MTMR7: variants seen among roughly 807,000 people sequenced by gnomAD.
MTMR7 encodes the protein myotubularin related protein 7.
In MTMR7, 76 loss-of-function variants were observed where a neutral mutation model predicts 81.2. That is an observed-to-expected ratio of 0.94 (90% CI 0.78 to 1.13). The LOEUF is 1.13. Among genes scored for constraint, MTMR7 ranks in the 50% most tolerant of loss-of-function variants. The pLI is 0.00. For missense variants in MTMR7, 1,044 were observed against 820.0 expected, an observed-to-expected ratio of 1.27 and a Z score of -3.34; for synonymous variants, 372 against 289.8, an observed-to-expected ratio of 1.28 and a Z score of -2.88.
intron 7 of MTMR7, among the ~76,000 whole-genome samples, chr8:17,315,991 T>C (rs1034160234): frequency 6.6e-6 from 1 of 152,200 alleles, no homozygotes; most frequent in Non-Finnish European, 1.5e-5. Context: ...CCATCCTGGG[T>C]GATGACAGAG....
chr8:17,405,736 G>A (rs761581035), intron 1 of MTMR7, among the ~76,000 whole-genome samples: 7 of 151,552 alleles, frequency 4.6e-5, no homozygotes, highest in African/African-American at 1.7e-4. Flanking sequence ...TCATAATGTG[G>A]ACTATGTGGT....
chr8:17,402,918 G>A (rs1821471092), intron 1 of MTMR7, among the ~76,000 whole-genome samples: 1 of 152,152 alleles, frequency 6.6e-6, no homozygotes, highest in Non-Finnish European at 1.5e-5. Context: ...GTTATTGCCT[G>A]TCTTCTGGAT....
chr8:17,348,783 G>C (rs1411984557), intron 5 of MTMR7, among the ~76,000 whole-genome samples, 170 bp downstream of exon 5: 1 of 152,042 alleles, frequency 6.6e-6, no homozygotes, highest in African/African-American at 2.4e-5. Context: ...GTCTACATGA[G>C]ATAAGGACTT....
intron 3 of MTMR7, 86 bp from the exon 4 acceptor site, chr8:17,361,360 G>T: frequency 6.6e-7 from 1 of 1,508,854 alleles, no homozygotes; most frequent in East Asian, 2.3e-5. Context: ...CCCACCTGGA[G>T]TGCCCAGAGA....
intron 6 of MTMR7, among the ~76,000 whole-genome samples, chr8:17,339,511 C>G (rs2150540285): frequency 6.6e-6 from 1 of 152,300 alleles, no homozygotes; most frequent in African/African-American, 2.4e-5. Flanking sequence ...TTTCATGATT[C>G]CTTTGTGACA....
At chr8:17,381,959 G>A (rs997009176) in intron 1 of MTMR7, among the ~76,000 whole-genome samples, 3 of 152,236 alleles carry the variant, frequency 2.0e-5, no homozygotes, top group African/African-American at 7.2e-5. Context: ...CTTCTATAAG[G>A]GATCTAAAGG....
intron 7 of MTMR7, among the ~76,000 whole-genome samples, chr8:17,329,597 G>C (rs1481413909): frequency 2.0e-5 from 3 of 152,134 alleles, no homozygotes; most frequent in African/African-American, 7.2e-5. Context: ...CTGCAAAGAA[G>C]AATATTTATG....
intron 6 of MTMR7, 71 bp downstream of exon 6, chr8:17,341,292 C>A: frequency 1.3e-6 from 2 of 1,583,044 alleles, no homozygotes; most frequent in Non-Finnish European, 1.7e-6. Context: ...AGATGGCAGT[C>A]GGCTAGCCTT....
intron 7 of MTMR7, among the ~76,000 whole-genome samples, chr8:17,327,294 A>G (rs2285277): frequency 0.34 from 51,293 of 151,932 alleles, 11,678 homozygotes; most frequent in African/African-American, 0.64. Flanking sequence ...TTTGAGACAG[A>G]GCCTAACTCT....
chr8:17,335,851 C>G (rs1221836459), intron 6 of MTMR7, among the ~76,000 whole-genome samples: 1 of 152,204 alleles, frequency 6.6e-6, no homozygotes, highest in Non-Finnish European at 1.5e-5. Context: ...ACTTAGAATT[C>G]CAGTCCCGTA....
intron 1 of MTMR7, among the ~76,000 whole-genome samples, chr8:17,392,507 AGT>A (rs1821134427): frequency 6.6e-6 from 1 of 152,238 alleles, no homozygotes; most frequent in South Asian, 2.1e-4. Flanking sequence ...AAAAAGCCAA[AGT>A]GTGTTTCCCA....
intron 7 of MTMR7, among the ~76,000 whole-genome samples, chr8:17,317,066 G>A (rs1165319260): frequency 1.3e-5 from 2 of 152,140 alleles, no homozygotes; most frequent in African/African-American, 4.8e-5. Context: ...GAATATTAAT[G>A]GCAGTTTTTG....
At chr8:17,408,786 C>T (rs922965798) in intron 1 of MTMR7, among the ~76,000 whole-genome samples, 1 of 152,012 alleles carries the variant, frequency 6.6e-6, no homozygotes, top group Non-Finnish European at 1.5e-5. Flanking sequence ...ATCATCAAGC[C>T]TAACTACTAA....
chr8:17,392,771 A>G (rs887020124), intron 1 of MTMR7, among the ~76,000 whole-genome samples: 5 of 152,220 alleles, frequency 3.3e-5, no homozygotes, highest in Admixed American at 2.0e-4. Context: ...AAATATTGAA[A>G]CTCATTGTGC....
At chr8:17,362,476 T>C (rs1011751131) in intron 3 of MTMR7, among the ~76,000 whole-genome samples, 21 of 152,304 alleles carry the variant, frequency 1.4e-4, no homozygotes, top group South Asian at 1.2e-3. Flanking sequence ...GTAGGCAACA[T>C]TGATGGTCCT....
intron 1 of MTMR7, among the ~76,000 whole-genome samples, chr8:17,392,152 G>T (rs1821127157): frequency 6.6e-6 from 1 of 151,998 alleles, no homozygotes; most frequent in Middle Eastern, 3.2e-3. Context: ...GTCCTGTTCA[G>T]AATGGGAAAA....
At position 17,348,902 on chromosome 8, in the gene MTMR7, T is replaced by A. The variant is rs1474320849; in HGVS notation, c.597+51A>T. 4.4e-6 allele frequency: 7 copies of A among 1,609,126 alleles called. No homozygotes were observed. In the African/African-American group the frequency reaches 5.4e-5, roughly 12 times the overall value. ...AAGGCAGCTAGAAAATGCCTGCTTA[T>A]GATAAACTAGAAAAGCAAAGTGTAA... is the stretch of plus-strand genomic sequence containing the variant. On this transcript the variant is annotated intron_variant, in intron 5 of 13. Coordinates refer to ENST00000180173, the MANE Select transcript of MTMR7 (RefSeq NM_004686.5).
intron 5 of MTMR7, among the ~76,000 whole-genome samples, chr8:17,343,308 C>T (rs1366490926): frequency 2.6e-5 from 4 of 152,012 alleles, no homozygotes; most frequent in African/African-American, 9.7e-5. Context: ...TACACACATG[C>T]AATCCCAGAT....
At chr8:17,307,200 AC>A (rs1304846242) in intron 10 of MTMR7, among the ~76,000 whole-genome samples, 1 of 152,212 alleles carries the variant, frequency 6.6e-6, no homozygotes, top group East Asian at 1.9e-4. Flanking sequence ...CAAGAAAAAA[AC>A]AACCCCATCA....
Sources: gnomAD v4.1 joint callset for allele counts (sites outside exome capture counted in the v4.1 genomes callset) on GRCh38, gnomAD v4.1.1 for gene constraint, MANE v1.5 for transcripts, NCBI Gene and HGNC (gene_info 2026-07-23, HGNC 2026-07-21) for gene names.